The following MAPK6 variants were observed in gnomAD, a reference collection of about 807,000 sequenced individuals.
MAPK6 encodes ERK-3.
In MAPK6, 19 loss-of-function variants were observed where a neutral mutation model predicts 59.3. That is an observed-to-expected ratio of 0.32 (90% confidence interval 0.22 to 0.47). The LOEUF (loss-of-function observed/expected upper bound fraction) is 0.47, where lower values mean the gene tolerates loss of function less well. Among genes scored for constraint, MAPK6 ranks in the 20% least tolerant of loss-of-function variants. The pLI, the probability that MAPK6 is intolerant of heterozygous loss-of-function variation, is 1.00. For synonymous variants in MAPK6, 316 were observed against 290.3 expected, an observed-to-expected ratio of 1.09 and a Z score of -0.90; for missense variants, 724 against 847.9, an observed-to-expected ratio of 0.85 and a Z score of 1.81.
At chr15:52,059,237 G>T (rs1441978797) in intron 4 of MAPK6, among the ~76,000 whole-genome samples, 1 of 152,174 alleles carries the variant, frequency 6.6e-6, no homozygotes, top group African/African-American at 2.4e-5. Flanking sequence ...TCGTAACCCT[G>T]TAGCCACTGT....
At chr15:52,016,086 A>G (rs1258983112), upstream of MAPK6, among the ~76,000 whole-genome samples, 6 of 136,944 alleles carry the variant, frequency 4.4e-5, no homozygotes, top group African/African-American at 8.2e-5. Flanking sequence ...ACACACACAC[A>G]CACACACACA....
At chr15:52,000,781 CAGAG>C (rs1381640476) in intron 2 of MAPK6, among the ~76,000 whole-genome samples, 1 of 150,028 alleles carries the variant, frequency 6.7e-6, no homozygotes, top group Non-Finnish European at 1.5e-5. Context: ...GCTTGGGCGA[CAGAG>C]AGAGACTCCA....
At chr15:52,022,798 G>A (rs1025635238) in intron 1 of MAPK6, among the ~76,000 whole-genome samples, 1 of 152,048 alleles carries the variant, frequency 6.6e-6, no homozygotes, top group Non-Finnish European at 1.5e-5. Context: ...ATTAGCTGTA[G>A]TGCATAATTC....
chr15:52,063,133 ATC>A (rs969285618), intron 5 of MAPK6, among the ~76,000 whole-genome samples: 5 of 151,928 alleles, frequency 3.3e-5, no homozygotes, highest in African/African-American at 1.2e-4. Flanking sequence ...AATGGTGCCC[ATC>A]TCTCTGCTCA....
chr15:52,031,545 T>C lies in MAPK6; in HGVS notation c.-632+12169T>C, dbSNP rs186242294. 2.0e-4 allele frequency among the ~76,000 whole-genome samples: 30 copies of C among 152,304 alleles called. No individual in the cohort carries two copies. In the East Asian group the frequency reaches 5.8e-3, roughly 29 times the overall value. On this transcript the variant is annotated intron_variant, in intron 1 of 5. Coordinates refer to ENST00000261845, the MANE Select transcript of MAPK6 (RefSeq NM_002748.4). ...AAACCTTGCTTATATTCTTGTAAAA[T>C]GTTGACCAGGCGTGGTGGCTCACAC... is the stretch of plus-strand genomic sequence containing the variant.
At chr15:52,030,823 A>C (rs1243623092) in intron 1 of MAPK6, among the ~76,000 whole-genome samples, 1 of 142,404 alleles carries the variant, frequency 7.0e-6, no homozygotes, top group African/African-American at 2.6e-5. Context: ...ACAGGCTCTC[A>C]GTCTGTTACC....
At chr15:51,977,315 A>G (rs2057160315) in intron 1 of MAPK6, among the ~76,000 whole-genome samples, 1 of 151,482 alleles carries the variant, frequency 6.6e-6, no homozygotes, top group Admixed American at 6.6e-5. Context: ...TCCATCTTAG[A>G]ATTCTGTACT....
Position 52,064,386 on chromosome 15 carries a change from G to C in MAPK6, c.1552G>C (p.Glu518Gln), listed in dbSNP as rs371262771. ...EEASQQLAGK[E>Q]REKNQGFDFD... ...AGCATCACAGCAACTGGCTGGAAAAGAAAGGGAAAAGAATCAGGGATTTGA... is the reference window on the plus strand; with the variant it reads ...AGCATCACAGCAACTGGCTGGAAAACAAAGGGAAAAGAATCAGGGATTTGA... Residue 518 changes from glutamate (E) to glutamine (Q), a missense_variant, in exon 6 of 6, where the codon GAA becomes CAA. This residue lies in a region of MAPK6 where 502 missense variants were observed against 507.6 expected (regional missense o/e 0.99). Coordinates refer to ENST00000261845, the MANE Select transcript of MAPK6 (RefSeq NM_002748.4). 4 of 1,611,788 alleles carry C rather than the reference G, an allele frequency of 2.5e-6. No homozygotes were observed. The African/African-American group carries it at 5.3e-5, about 22-fold the overall frequency.
chr15:52,035,709 A>C (rs533043673), intron 1 of MAPK6: 3 of 152,058 alleles, frequency 2.0e-5, no homozygotes, highest in African/African-American at 7.2e-5. Context: ...AGATTCTCTA[A>C]TATTTTATCT....
chr15:52,048,103 G>C (rs2031651429), intron 2 of MAPK6, among the ~76,000 whole-genome samples: 1 of 152,082 alleles, frequency 6.6e-6, no homozygotes, highest in Non-Finnish European at 1.5e-5. Context: ...ACATGCCTAA[G>C]ACAAATCTTC....
rs1441005292 is a variant in MAPK6, at chr15:52,064,293, T to C, written c.1459T>C (p.Ser487Pro). 6.2e-7 allele frequency: 1 copy of C among 1,609,708 alleles called. No individual in the cohort carries two copies. The highest frequency in any genetic ancestry group is 8.5e-7 in the Non-Finnish European group (1 of 1,178,976). ...TTGGAAAGAACAAAGCAAAGAAAAA[T>C]CTGATAAGAAAGGCAAATCAAAATG... ...SNWKEQSKEK[S>P]DKKGKSKCER... Residue 487 changes from serine to proline, a missense_variant, in exon 6 of 6, where the codon TCT becomes CCT. By Grantham distance (74) the Ser-to-Pro change is moderately conservative (BLOSUM62 -1). This residue lies in a region of MAPK6 where 502 missense variants were observed against 507.6 expected (regional missense o/e 0.99). Transcript: ENST00000261845.
chr15:52,016,256 G>C (rs971777835), upstream of MAPK6, among the ~76,000 whole-genome samples: 2 of 151,098 alleles, frequency 1.3e-5, no homozygotes, highest in African/African-American at 4.9e-5. Flanking sequence ...TGGGCATGTG[G>C]TGCACACCTG....
At chr15:51,992,303 A>ATT (rs1388505754) in intron 2 of MAPK6, among the ~76,000 whole-genome samples, 35 of 92,808 alleles carry the variant, frequency 3.8e-4, no homozygotes, top group East Asian at 2.4e-3. Flanking sequence ...ATATATATAT[A>ATT]TATTTTTTTT....
At chr15:51,985,126 G>A (rs2057186791) in intron 2 of MAPK6, among the ~76,000 whole-genome samples, 1 of 152,168 alleles carries the variant, frequency 6.6e-6, no homozygotes, top group Non-Finnish European at 1.5e-5. Flanking sequence ...AGGATCACTT[G>A]AGCCCAGGAG....
intron 3 of MAPK6, among the ~76,000 whole-genome samples, chr15:52,055,379 C>G (rs2031936332): frequency 6.6e-6 from 1 of 152,196 alleles, no homozygotes; most frequent in Non-Finnish European, 1.5e-5. Flanking sequence ...TTACTCCAGC[C>G]TGAGCAACAG....
chr15:52,046,828 C>G lies in MAPK6; in HGVS notation c.368C>G (p.Pro123Arg). The change falls in exon 2 of 6, where the codon CCT becomes CGT. Residue 123 changes from proline to arginine, a missense_variant. This residue lies in a region of MAPK6 where 87 missense variants were observed against 93.0 expected (regional missense o/e 0.93). Transcript: ENST00000261845. ...TDLANVLEQGPLLEEHARLFM... is the reference protein window; with the variant it reads ...TDLANVLEQGRLLEEHARLFM... Reference sequence around the variant, plus strand: ...TTGGCTAATGTGCTGGAGCAGGGCCCTTTACTGGAAGAGCATGCCAGGCTT... The same window carrying G: ...TTGGCTAATGTGCTGGAGCAGGGCCGTTTACTGGAAGAGCATGCCAGGCTT... 6.2e-7 allele frequency: 1 copy of G among 1,613,882 alleles called. No homozygotes were observed. Among genetic ancestry groups the G allele is most frequent in the Non-Finnish European group, 8.5e-7 (1 of 1,179,888 alleles).
chr15:52,035,019 G>A (rs1384224907), intron 1 of MAPK6, among the ~76,000 whole-genome samples: 2 of 152,178 alleles, frequency 1.3e-5, no homozygotes, highest in Non-Finnish European at 2.9e-5. Context: ...CTCTTCATAT[G>A]CTCCTGCTTT....
At chr15:52,007,954 C>T (rs2029947366) in intron 3 of MAPK6, among the ~76,000 whole-genome samples, 1 of 150,958 alleles carries the variant, frequency 6.6e-6, no homozygotes, top group African/African-American at 2.4e-5. Context: ...TTAAGTGATT[C>T]TCCTGCCTCA....
chr15:52,026,303 T>C (rs879365689), intron 1 of MAPK6, among the ~76,000 whole-genome samples: 30 of 152,152 alleles, frequency 2.0e-4, no homozygotes, highest in Admixed American at 1.8e-3. Flanking sequence ...TTGTTGTCGT[T>C]GTTTTGAGAC....
Sources: allele counts gnomAD v4.1 joint callset (sites outside exome capture counted in the v4.1 genomes callset), GRCh38; gene constraint gnomAD v4.1.1; regional missense constraint gnomAD v4.1.1; transcripts MANE v1.5; gene names NCBI Gene and HGNC (gene_info 2026-07-23, HGNC 2026-07-21).